PCDHGB2: variants seen among roughly 807,000 people sequenced by gnomAD.
The protein encoded by PCDHGB2 is protocadherin gamma-B2.
A neutral mutation model predicts 59.3 loss-of-function variants in PCDHGB2; 55 were observed. The observed-to-expected ratio is 0.93, with a 90% CI of 0.75 to 1.16. The LOEUF is 1.16. PCDHGB2 is among the 50% of genes most tolerant of loss of function. The probability of loss-of-function intolerance (pLI) is 0.00; values close to 1 mark genes in which losing one functional copy is unlikely to be tolerated. For missense variants in PCDHGB2, 1,228 were observed against 1,198.5 expected (o/e 1.02, Z -0.36); for synonymous variants, 516 against 512.0 (o/e 1.01, Z -0.11).
chr5:141,371,562 T>G, intron 1 of PCDHGB2: 1 of 1,613,852 alleles, frequency 6.2e-7, no homozygotes, highest in Non-Finnish European at 8.5e-7. Context: ...AAAAGGAAAC[T>G]TCCCCTTTAA....
chr5:141,489,723 T>C lies in PCDHGB2; in HGVS notation c.2422-5084T>C, dbSNP rs900332220. ...CACTGGACAGTGCCCAGGATCCGGA[T>C]GTGGGCACCAATACTGTGAGCTTTT... On this transcript the variant is annotated intron_variant, in intron 1 of 3. Coordinates refer to ENST00000522605, the MANE Select transcript of PCDHGB2 (RefSeq NM_018923.3). This position sits in a 1 kb window ranked among gnomAD's most constrained non-coding sequence, Gnocchi z 4.5. 4.3e-6 allele frequency: 7 copies of C among 1,613,958 alleles called. No homozygotes were observed. The highest frequency in any genetic ancestry group is 5.9e-6 in the Non-Finnish European group (7 of 1,179,940).
intron 1 of PCDHGB2, among the ~76,000 whole-genome samples, chr5:141,368,602 G>T (rs992972372): frequency 1.3e-5 from 2 of 152,100 alleles, no homozygotes; most frequent in African/African-American, 4.8e-5. Context: ...AAAAGTAAAG[G>T]TTATAGATTT....
In PCDHGB2 at chr5:141,476,218, C is replaced by G. The variant is rs1562052166; in HGVS notation, c.2422-18589C>G. On this transcript the variant is annotated intron_variant, in intron 1 of 3. Transcript: ENST00000522605. The surrounding 1 kb of genome is among the most constrained non-coding windows in gnomAD (Gnocchi z 7.6). ...TGAACAAGGCTTCCACGGTCATTCA[C>G]TATGAGATCCCGGAGGAAAGAGAGA... is the stretch of plus-strand genomic sequence containing the variant. 1 of 1,613,984 alleles carries G rather than the reference C, an allele frequency of 6.2e-7. No homozygotes were observed.
At position 141,490,982 on chromosome 5, in the gene PCDHGB2, G is replaced by T; in HGVS notation, c.2422-3825G>T. ...CACTCAGCCCCCCAGCGTCTCCCTC[G>T]CTCTGCTCCTCCTGGCTCCTTGGTC... On this transcript the variant is annotated intron_variant, in intron 1 of 3. Coordinates refer to ENST00000522605, the MANE Select transcript of PCDHGB2 (RefSeq NM_018923.3). This position sits in a 1 kb window ranked among gnomAD's most constrained non-coding sequence, Gnocchi z 5.4. 1.2e-6 allele frequency: 2 copies of T among 1,613,994 alleles called. No individual in the cohort carries two copies. The highest frequency in any genetic ancestry group is 1.7e-6 in the Non-Finnish European group (2 of 1,180,002).
chr5:141,483,573 G>A (rs2099583012), intron 1 of PCDHGB2, among the ~76,000 whole-genome samples: 1 of 152,072 alleles, frequency 6.6e-6, no homozygotes, highest in Non-Finnish European at 1.5e-5. Context: ...GTGAATTCTG[G>A]CATAAACACC....
chr5:141,398,578 A>C (rs370163028), intron 1 of PCDHGB2: 29 of 1,613,942 alleles, frequency 1.8e-5, no homozygotes, highest in Admixed American at 3.3e-5. Context: ...GCCTGGCACA[A>C]GATTTATACT....
rs777568111 is a variant in PCDHGB2 at position 141,404,292 on chromosome 5, A to G, written c.2421+41736A>G. On this transcript the variant is annotated intron_variant, in intron 1 of 3. Coordinates refer to ENST00000522605, the MANE Select transcript of PCDHGB2 (RefSeq NM_018923.3). ...ACCCTGCAAGTGACTGACATCAATG[A>G]TAATCCACCTGCTTTCTCTCAAGCC... 2.5e-6 allele frequency: 4 copies of G among 1,613,864 alleles called. No homozygotes were observed. Among genetic ancestry groups the G allele is most frequent in the South Asian group, 1.1e-5 (1 of 91,082 alleles).
In PCDHGB2 at chr5:141,362,469, A is replaced by G. The variant is rs1762523966; in HGVS notation, c.2334A>G (p.Gln778=). ...TAACCCCGGAATTGGTTCCCGCGCA[A>G]GATCTCGTCTGTGACAATGCCTCTT... ...LNITPELVPA[Q]DLVCDNASWE... Residue 778 remains glutamine, a synonymous_variant, in exon 1 of 4, where the codon CAA becomes CAG. Transcript: ENST00000522605. The G allele has an allele frequency of 6.2e-7, 1 of 1,613,958 alleles. No homozygotes were observed. The highest frequency in any genetic ancestry group is 1.7e-5 in the Admixed American group (1 of 60,012).
In PCDHGB2 at chr5:141,486,667, G is replaced by A; in HGVS notation, c.2422-8140G>A. On this transcript the variant is annotated intron_variant, in intron 1 of 3. Coordinates refer to ENST00000522605, the MANE Select transcript of PCDHGB2 (RefSeq NM_018923.3). The surrounding 1 kb of genome is among the most constrained non-coding windows in gnomAD (Gnocchi z 5.0). ...TCTCCTACTCACTCCTGGAGCCCAG[G>A]AATCGAGATGTATCAGCTTCCTCTT... 4 of 1,613,948 alleles carry A rather than the reference G, an allele frequency of 2.5e-6. No individual in the cohort carries two copies. Among genetic ancestry groups the A allele is most frequent in the Non-Finnish European group, 3.4e-6 (4 of 1,180,014 alleles).
At chr5:141,377,334 G>C (rs1046555445) in intron 1 of PCDHGB2, 3 of 152,142 alleles carry the variant, frequency 2.0e-5, no homozygotes, top group South Asian at 4.1e-4. Flanking sequence ...TAGCTAGCAT[G>C]GTGGTTCACG....
intron 1 of PCDHGB2, among the ~76,000 whole-genome samples, chr5:141,455,393 C>G (rs574741955): frequency 6.4e-4 from 97 of 152,150 alleles, no homozygotes; most frequent in African/African-American, 2.2e-3. Flanking sequence ...GAAGGAGCTC[C>G]CCCTTACAGA....
chr5:141,484,763 T>C (rs2099600495), intron 1 of PCDHGB2, among the ~76,000 whole-genome samples: 1 of 151,872 alleles, frequency 6.6e-6, no homozygotes, highest in East Asian at 1.9e-4. Flanking sequence ...TATATATATA[T>C]ATGTTGTCTG....
At chr5:141,401,102 G>C (rs1372226488) in intron 1 of PCDHGB2, among the ~76,000 whole-genome samples, 3 of 152,150 alleles carry the variant, frequency 2.0e-5, no homozygotes, top group Non-Finnish European at 4.4e-5. Context: ...CCAGCACTTT[G>C]GGAGGCCGAG....
chr5:141,398,704 G>A (rs1044524998), intron 1 of PCDHGB2: 9 of 1,613,808 alleles, frequency 5.6e-6, no homozygotes, highest in Non-Finnish European at 7.6e-6. Flanking sequence ...TAAATACCCG[G>A]AACTGGCACT....
Position 141,490,575 on chromosome 5 carries a change from A to G in PCDHGB2, c.2422-4232A>G. 2 of 1,614,140 alleles carry G rather than the reference A, an allele frequency of 1.2e-6. No individual in the cohort carries two copies. The highest frequency in any genetic ancestry group is 2.2e-5 in the East Asian group (1 of 44,876). Reference sequence around the variant, plus strand: ...ATCTCACCATCAGGCTCAACATTTCAGATGTCAATGACAATGCACCCCGCT... The same window carrying G: ...ATCTCACCATCAGGCTCAACATTTCGGATGTCAATGACAATGCACCCCGCT... On this transcript the variant is annotated intron_variant, in intron 1 of 3. Transcript: ENST00000522605. This position sits in a 1 kb window ranked among gnomAD's most constrained non-coding sequence, Gnocchi z 5.4.
Position 141,417,943 on chromosome 5 carries a change from G to C in PCDHGB2, c.2421+55387G>C, listed in dbSNP as rs772925118. ...TGCTGCTGCCTTTGTTCTACCCCAC[G>C]CTGTGTGAGCCGATCCGCTACTCGA... is the stretch of plus-strand genomic sequence containing the variant. On this transcript the variant is annotated intron_variant, in intron 1 of 3. Coordinates refer to ENST00000522605, the MANE Select transcript of PCDHGB2 (RefSeq NM_018923.3). The C allele has an allele frequency of 4.1e-5, 66 of 1,613,160 alleles. 1 individual carries two copies. The highest frequency in any genetic ancestry group is 1.8e-4 in the East Asian group (8 of 44,850).
chr5:141,473,033 GGAAA>G (rs1282468299), intron 1 of PCDHGB2, among the ~76,000 whole-genome samples: 6 of 146,356 alleles, frequency 4.1e-5, no homozygotes, highest in South Asian at 2.2e-4. Flanking sequence ...AAGGAAGGAA[GGAAA>G]GAAAGAAAGA....
chr5:141,372,786 T>C (rs765183690), intron 1 of PCDHGB2: 6 of 1,605,480 alleles, frequency 3.7e-6, no homozygotes, highest in Non-Finnish European at 4.3e-6. Context: ...AGAAATGCCT[T>C]CTAATTCAGG....
chr5:141,371,622 C>G (rs1198446488), intron 1 of PCDHGB2: 1 of 1,613,888 alleles, frequency 6.2e-7, no homozygotes, highest in African/African-American at 1.3e-5. Flanking sequence ...AGATGGAGCC[C>G]TGGACCGGGA....
Sources: gnomAD v4.1 joint callset for allele counts (sites outside exome capture counted in the v4.1 genomes callset) on GRCh38, gnomAD v4.1.1 for gene constraint, Gnocchi (gnomAD v3.1) non-coding constraint, MANE v1.5 for transcripts, NCBI Gene and HGNC (gene_info 2026-07-23, HGNC 2026-07-21) for gene names.